LAMA1: variants seen among roughly 807,000 people sequenced by gnomAD.
LAMA1 encodes the protein laminin subunit alpha 1.
A neutral mutation model predicts 348.7 loss-of-function variants in LAMA1; 219 were observed. The ratio of observed to expected loss-of-function variants is 0.63; its 90% CI spans 0.56 to 0.70. The LOEUF is 0.70. Ranked by LOEUF, LAMA1 falls within the 30% of genes least tolerant of loss-of-function variation. The pLI, the probability that LAMA1 is intolerant of heterozygous loss-of-function variation, is 0.00. For synonymous variants in LAMA1, 1,487 were observed against 1,491.0 expected (o/e 1.00, Z 0.06); for missense variants, 3,744 against 3,888.0 (o/e 0.96, Z 0.99).
At chr18:7,099,806 C>T (rs977079265) in intron 1 of LAMA1, among the ~76,000 whole-genome samples, 4 of 151,790 alleles carry the variant, frequency 2.6e-5, no homozygotes, top group African/African-American at 9.7e-5. Flanking sequence ...CACCTGCAAT[C>T]CCAGCACTTT....
At chr18:7,022,831 G>A (rs1598284775) in intron 19 of LAMA1, among the ~76,000 whole-genome samples, 2 of 152,154 alleles carry the variant, frequency 1.3e-5, no homozygotes, top group Admixed American at 6.5e-5. Flanking sequence ...TCTCCCTTAC[G>A]AATGTGACAG....
At position 6,965,160 on chromosome 18, in the gene LAMA1, A is replaced by C. The variant is rs2057626802; in HGVS notation, c.7195+128T>G. 7 of 1,225,510 alleles carry C rather than the reference A, an allele frequency of 5.7e-6. 2 individuals are homozygous for C. The highest frequency in any genetic ancestry group is 8.3e-6 in the Non-Finnish European group (7 of 840,108). 75.9% of individuals were successfully genotyped at this position (1,225,510 alleles called of 1,614,324 possible). On this transcript the variant is annotated intron_variant, in intron 50 of 62. Transcript: ENST00000389658. ...TGTTGGTTAGTATTCCAAAGACAAC[A>C]CTGGCTTCCAAGTAGACTATCATTC...
At chr18:7,040,385 T>C in intron 9 of LAMA1, 149 bp from the exon 10 acceptor site, 1 of 770,958 alleles carries the variant, frequency 1.3e-6, no homozygotes, top group Non-Finnish European at 2.3e-6. Context: ...AGCTCAGCCA[T>C]TATTGTTCGA....
At chr18:6,982,228 G>A (rs2057714975) in intron 41 of LAMA1, among the ~76,000 whole-genome samples, 1 of 152,168 alleles carries the variant, frequency 6.6e-6, no homozygotes, top group Admixed American at 6.5e-5. Context: ...AAGGCAATGA[G>A]TGGAGGATTA....
At chr18:7,094,813 G>A (rs2058253991) in intron 1 of LAMA1, among the ~76,000 whole-genome samples, 2 of 152,098 alleles carry the variant, frequency 1.3e-5, no homozygotes, top group Non-Finnish European at 2.9e-5. Context: ...CATCCACACA[G>A]GCAGTGCCCA....
Position 6,985,258 on chromosome 18 carries a change from C to A in LAMA1, c.5639G>T (p.Arg1880Ile). 2.5e-6 allele frequency: 4 copies of A among 1,614,110 alleles called. No homozygotes were observed. Among genetic ancestry groups the A allele is most frequent in the Non-Finnish European group, 3.4e-6 (4 of 1,180,002 alleles). The change falls in exon 39 of 63, where the codon AGA (arginine) becomes ATA (isoleucine). Residue 1880 changes from arginine (R) to isoleucine (I), a missense_variant. Physicochemically the swap from Arg to Ile is moderately conservative, Grantham distance 97. This residue lies in a region of LAMA1 where 1,983 missense variants were observed against 1,934.3 expected (regional missense o/e 1.03). Coordinates refer to ENST00000389658, the MANE Select transcript of LAMA1 (RefSeq NM_005559.4). The part of the protein sequence containing the change: ...RAEDHAAEFQ[R>I]LADVLYSGLE... ...CTACCTGTACAGAACATCTGCTAGTCTCTGGAACTCAGCGGCATGGTCCTC... is the reference window on the plus strand; with the variant it reads ...CTACCTGTACAGAACATCTGCTAGTATCTGGAACTCAGCGGCATGGTCCTC...
chr18:6,959,047 T>TA (rs2057594472), intron 54 of LAMA1, among the ~76,000 whole-genome samples: 1 of 152,212 alleles, frequency 6.6e-6, no homozygotes, highest in East Asian at 1.9e-4. Flanking sequence ...TAATACTATT[T>TA]ACTAATAGTG....
At chr18:7,018,617 G>A (rs566470353) in intron 19 of LAMA1, among the ~76,000 whole-genome samples, 2 of 151,936 alleles carry the variant, frequency 1.3e-5, no homozygotes, top group South Asian at 2.1e-4. Context: ...GGATGGTCTC[G>A]ATCTCCTGAC....
At chr18:7,085,772 G>C (rs2058214907) in intron 1 of LAMA1, among the ~76,000 whole-genome samples, 1 of 152,104 alleles carries the variant, frequency 6.6e-6, no homozygotes, top group African/African-American at 2.4e-5. Context: ...AATTTGATCA[G>C]AGAAGTCTGG....
In LAMA1 at chr18:7,106,580, G is replaced by A. The variant is rs191616352; in HGVS notation, c.61+11080C>T. On this transcript the variant is annotated intron_variant, in intron 1 of 62. Transcript: ENST00000389658. ...TCACCATGTTGGTCATGATGGTTTC[G>A]AGCTCTTGACCTCGTGATCCACCCG... Among the ~76,000 whole-genome samples the A allele has an allele frequency of 1.1e-3, 165 of 152,038 alleles. 3 individuals carry two copies. The highest frequency in any genetic ancestry group is 0.011 in the Admixed American group (162 of 15,248).
At chr18:6,993,523 C>A in intron 35 of LAMA1, 118 bp downstream of exon 35, 1 of 809,130 alleles carries the variant, frequency 1.2e-6, no homozygotes, top group Non-Finnish European at 2.2e-6. Flanking sequence ...TATTCCAGCC[C>A]CTCTGGTTCC....
rs778569567 is a variant in LAMA1, at chr18:6,955,360, T to C, written c.8200A>G (p.Arg2734Gly). The part of the protein sequence containing the change: ...FILPFNQSAV[R>G]KKLSVELSIR... Reference sequence around the variant, plus strand: ...TGTTAGAATGATACCTACTTCTTTCTGACAGCCGACTGATTAAAAGGCAAG... The same window carrying C: ...TGTTAGAATGATACCTACTTCTTTCCGACAGCCGACTGATTAAAAGGCAAG... The change falls in exon 57 of 63, where the codon AGA becomes GGA. Residue 2734 changes from arginine to glycine, a missense_variant. This residue lies in a region of LAMA1 where 1,983 missense variants were observed against 1,934.3 expected (regional missense o/e 1.03). Transcript: ENST00000389658. 3.5e-5 allele frequency: 56 copies of C among 1,613,368 alleles called. No individual in the cohort carries two copies. Among genetic ancestry groups the C allele is most frequent in the Middle Eastern group, 3.3e-4 (2 of 6,082 alleles).
chr18:7,038,358 C>G (rs2144176102), intron 11 of LAMA1, among the ~76,000 whole-genome samples: 1 of 152,266 alleles, frequency 6.6e-6, no homozygotes, highest in South Asian at 2.1e-4. Flanking sequence ...CCGGAAACAA[C>G]TTGGCCTGCA....
chr18:6,955,876 C>T, intron 56 of LAMA1: 2 of 353,932 alleles, frequency 5.7e-6, no homozygotes, highest in Non-Finnish European at 1.1e-5. Context: ...GAGGTGCCCA[C>T]AGGTGACATG....
Position 6,980,617 on chromosome 18 carries a change from C to T in LAMA1, c.5911G>A (p.Glu1971Lys). The T allele has an allele frequency of 6.2e-7, 1 of 1,611,212 alleles. No individual in the cohort carries two copies. The highest frequency in any genetic ancestry group is 1.1e-5 in the South Asian group (1 of 91,016). ...KLPGIALELS[E>K]LRNKTNRFQE... ...AATCTGTTTGTCTTATTTCTCAATT[C>T]ACTCAGTTCCAATGCAATACCTATT... Residue 1971 changes from glutamate to lysine, a missense_variant, in exon 42 of 63, where the codon GAA (glutamate) becomes AAA (lysine). By Grantham distance (56) the Glu-to-Lys change is moderately conservative. Transcript: ENST00000389658.
At chr18:7,045,859 T>C (rs112897587) in intron 6 of LAMA1, among the ~76,000 whole-genome samples, 1 of 151,938 alleles carries the variant, frequency 6.6e-6, no homozygotes, top group Non-Finnish European at 1.5e-5. Flanking sequence ...ATGCCCCTTT[T>C]AAATCTTGAT....
chr18:7,115,771 C>T (rs1232405712), intron 1 of LAMA1, among the ~76,000 whole-genome samples: 4 of 140,058 alleles, frequency 2.9e-5, no homozygotes, highest in Non-Finnish European at 6.0e-5. Context: ...GAGTTTGAGA[C>T]CAGCCTGGCC....
At chr18:6,970,272 C>A (rs1043641466) in intron 48 of LAMA1, among the ~76,000 whole-genome samples, 3 of 151,602 alleles carry the variant, frequency 2.0e-5, no homozygotes, top group Admixed American at 6.6e-5. Context: ...CTTTTTCACA[C>A]GTTTATTGTC....
At chr18:7,011,058 T>G (rs1034685181) in intron 25 of LAMA1, among the ~76,000 whole-genome samples, 1 of 152,226 alleles carries the variant, frequency 6.6e-6, no homozygotes, top group African/African-American at 2.4e-5. Flanking sequence ...GAATGACTGC[T>G]TTAGGAAGAA....
Sources: gnomAD v4.1 joint callset for allele counts (sites outside exome capture counted in the v4.1 genomes callset) on GRCh38, gnomAD v4.1.1 for gene constraint, gnomAD v4.1.1 regional missense constraint, MANE v1.5 for transcripts, NCBI Gene and HGNC (gene_info 2026-07-23, HGNC 2026-07-21) for gene names.